RHOT1: variants seen among roughly 807,000 people sequenced by gnomAD.
RHOT1 encodes the protein mitochondrial Rho GTPase 1.
RHOT1 carries 27 observed loss-of-function variants against 95.3 expected under a neutral mutation model. That is an observed-to-expected ratio of 0.28 (90% CI 0.21 to 0.39). RHOT1 has a LOEUF of 0.39. Among genes scored for constraint, RHOT1 ranks in the 10% least tolerant of loss-of-function variants. The pLI, the probability that RHOT1 is intolerant of heterozygous loss-of-function variation, is 1.00. For missense variants in RHOT1, 578 were observed against 786.7 expected, an observed-to-expected ratio of 0.73 and a Z score of 3.17; for synonymous variants, 227 against 263.5, an observed-to-expected ratio of 0.86 and a Z score of 1.34.
intron 19 of RHOT1, among the ~76,000 whole-genome samples, chr17:32,220,377 A>G (rs2038752804): frequency 6.6e-6 from 1 of 152,202 alleles, no homozygotes; most frequent in African/African-American, 2.4e-5. Context: ...AAAGTAAAAT[A>G]ATAAAATAAA....
intron 11 of RHOT1, among the ~76,000 whole-genome samples, chr17:32,198,321 A>T (rs138494515): frequency 4.5e-4 from 68 of 152,360 alleles, no homozygotes; most frequent in African/African-American, 1.5e-3. Flanking sequence ...TATGAAGCTC[A>T]TAAGTATGAC....
At chr17:32,151,497 T>C in intron 1 of RHOT1, 4 of 605,108 alleles carry the variant, frequency 6.6e-6, no homozygotes, top group Non-Finnish European at 1.2e-5. Context: ...GGGGCCATTC[T>C]GTTCATCATG....
intron 11 of RHOT1, among the ~76,000 whole-genome samples, chr17:32,198,655 G>T (rs2037082933): frequency 6.6e-6 from 1 of 152,196 alleles, no homozygotes; most frequent in Non-Finnish European, 1.5e-5. Context: ...ACTGCAGTGA[G>T]CTGTGATCGT....
intron 12 of RHOT1, 65 bp from the exon 13 acceptor site, chr17:32,199,340 G>A: frequency 6.9e-7 from 1 of 1,445,894 alleles, no homozygotes; most frequent in Admixed American, 2.2e-5. Flanking sequence ...CTAGATTGGG[G>A]GGCTTTTGAG....
intron 19 of RHOT1, among the ~76,000 whole-genome samples, chr17:32,215,304 T>G (rs1163825010): frequency 6.6e-6 from 1 of 152,234 alleles, no homozygotes; most frequent in African/African-American, 2.4e-5. Flanking sequence ...GTAAAAATTT[T>G]GGTCACTGAA....
At chr17:32,143,082 C>T in intron 1 of RHOT1, 1 of 622,464 alleles carries the variant, frequency 1.6e-6, no homozygotes, top group Non-Finnish European at 3.1e-6. Flanking sequence ...CCTTCTGGGC[C>T]TCACAGTTTC....
chr17:32,172,121 A>G lies in RHOT1; in HGVS notation c.96+1020A>G, dbSNP rs140672031. 4.7e-3 allele frequency among the ~76,000 whole-genome samples: 722 copies of G among 152,320 alleles called. 7 individuals carry two copies. Among genetic ancestry groups the G allele is most frequent in the African/African-American group, 0.017 (694 of 41,568 alleles). ...ATTTATCCTTCCTTTACTCTAGTTT[A>G]GATAGGAATATCTGTATAATTTCAT... is the stretch of plus-strand genomic sequence containing the variant. On this transcript the variant is annotated intron_variant, in intron 2 of 19. Coordinates refer to ENST00000545287, the MANE Select transcript of RHOT1 (RefSeq NM_001033566.3).
At position 32,161,116 on chromosome 17, in the gene RHOT1, G is replaced by T. The variant is rs545569623; in HGVS notation, c.38-9927G>T. Among the ~76,000 whole-genome samples the T allele has an allele frequency of 2.0e-5, 3 of 152,338 alleles. No homozygotes were observed. In the South Asian group the frequency reaches 6.2e-4, roughly 32 times the overall value. ...AAATAACTTAATTAACACAAGGCTGGCCATGCAGGAGAACTAAATGTATCA... is the reference window on the plus strand; with the variant it reads ...AAATAACTTAATTAACACAAGGCTGTCCATGCAGGAGAACTAAATGTATCA... On this transcript the variant is annotated intron_variant, in intron 1 of 19. Transcript: ENST00000545287.
chr17:32,176,079 G>A (rs2034978737), intron 5 of RHOT1, 64 bp downstream of exon 5: 1 of 1,580,026 alleles, frequency 6.3e-7, no homozygotes, highest in African/African-American at 1.4e-5. Flanking sequence ...TTGATTCTCA[G>A]TTTAGAATTT....
intron 19 of RHOT1, 59 bp downstream of exon 19, chr17:32,211,297 G>A (rs749129093): frequency 5.7e-5 from 85 of 1,488,290 alleles, no homozygotes; most frequent in Non-Finnish European, 6.0e-5. Flanking sequence ...AGAAAAAAGC[G>A]GATAACTATT....
At chr17:32,146,701 G>T (rs1055205436) in intron 1 of RHOT1, among the ~76,000 whole-genome samples, 1 of 143,806 alleles carries the variant, frequency 7.0e-6, no homozygotes, top group Admixed American at 7.3e-5. Flanking sequence ...TTCATGATCT[G>T]CCTTCCTCGG....
At chr17:32,205,942 A>C (rs191184597) in intron 16 of RHOT1, among the ~76,000 whole-genome samples, 39 of 152,184 alleles carry the variant, frequency 2.6e-4, no homozygotes, top group African/African-American at 9.2e-4. Context: ...ACAGAACAAA[A>C]ATGACCTTAC....
intron 8 of RHOT1, among the ~76,000 whole-genome samples, chr17:32,187,833 T>C (rs1372713701): frequency 1.3e-5 from 2 of 152,220 alleles, no homozygotes; most frequent in Non-Finnish European, 2.9e-5. Flanking sequence ...CCTTTCAAAG[T>C]GCAGGGATTA....
chr17:32,185,233 T>C (rs1363279476), intron 8 of RHOT1, among the ~76,000 whole-genome samples: 1 of 151,750 alleles, frequency 6.6e-6, no homozygotes, highest in Non-Finnish European at 1.5e-5. Flanking sequence ...GCCTCAGCCT[T>C]CCAAGTAGCT....
At chr17:32,209,232 A>G (rs1418997669) in intron 18 of RHOT1, 2 of 507,828 alleles carry the variant, frequency 3.9e-6, no homozygotes, top group Non-Finnish European at 6.7e-6. Context: ...TTTAGATGCA[A>G]CAAACCCTTG....
intron 16 of RHOT1, among the ~76,000 whole-genome samples, chr17:32,206,023 G>A (rs2037695720): frequency 6.6e-6 from 1 of 152,010 alleles, no homozygotes; most frequent in Non-Finnish European, 1.5e-5. Flanking sequence ...AAATAGATTT[G>A]AGAATCATAT....
At chr17:32,183,754 G>A (rs181819889) in intron 8 of RHOT1, among the ~76,000 whole-genome samples, 1 of 152,018 alleles carries the variant, frequency 6.6e-6, no homozygotes, top group African/African-American at 2.4e-5. Flanking sequence ...TCTCGATCTC[G>A]GCTGACTGCA....
intron 1 of RHOT1, among the ~76,000 whole-genome samples, chr17:32,165,329 T>A: frequency 1.2e-5 from 1 of 86,616 alleles, no homozygotes; most frequent in Non-Finnish European, 2.0e-5. Flanking sequence ...AGAGCAAGAC[T>A]CCGTCTCAAA....
intron 8 of RHOT1, among the ~76,000 whole-genome samples, chr17:32,185,144 CTT>C (rs2035937814): frequency 6.6e-6 from 1 of 151,706 alleles, no homozygotes; most frequent in Admixed American, 6.6e-5. Context: ...GAGTTTCGCT[CTT>C]GTTGCCCAGG....
Sources: gnomAD v4.1 joint callset for allele counts (sites outside exome capture counted in the v4.1 genomes callset) on GRCh38, gnomAD v4.1.1 for gene constraint, MANE v1.5 for transcripts, NCBI Gene and HGNC (gene_info 2026-07-23, HGNC 2026-07-21) for gene names.